The following MECOM variants were observed in gnomAD, a reference collection of about 807,000 sequenced individuals.
The protein encoded by MECOM is histone-lysine N-methyltransferase MECOM.
Under a neutral mutation model 116.3 loss-of-function variants are expected in MECOM, and 13 were observed. The ratio of observed to expected loss-of-function variants is 0.11; its 90% confidence interval spans 0.07 to 0.18. MECOM has a LOEUF of 0.18. Among genes scored for constraint, MECOM ranks in the 10% least tolerant of loss-of-function variants. The pLI is 1.00. For missense variants in MECOM, 1,299 were observed against 1,509.0 expected (o/e 0.86, Z 2.31); for synonymous variants, 528 against 535.2 (o/e 0.99, Z 0.19).
At chr3:169,273,404 G>A (rs1759186911) in intron 2 of MECOM, among the ~76,000 whole-genome samples, 1 of 152,128 alleles carries the variant, frequency 6.6e-6, no homozygotes, top group South Asian at 2.1e-4. Flanking sequence ...ATCACAAAGA[G>A]TAAAAACCAT....
intron 6 of MECOM, among the ~76,000 whole-genome samples, chr3:169,121,723 T>C (rs115823399): frequency 1.3e-3 from 198 of 151,864 alleles, no homozygotes; most frequent in Non-Finnish European, 2.5e-3. Context: ...AAAACAAAAA[T>C]AAAAAAGCCA....
At chr3:169,436,312 G>T (rs1372990978) in intron 1 of MECOM, among the ~76,000 whole-genome samples, 1 of 141,106 alleles carries the variant, frequency 7.1e-6, no homozygotes, top group Non-Finnish European at 1.5e-5. Context: ...ATACAATGGC[G>T]CAATCTCCGC....
intron 2 of MECOM, among the ~76,000 whole-genome samples, chr3:169,344,566 C>G (rs1273015288): frequency 6.6e-6 from 1 of 152,184 alleles, no homozygotes; most frequent in African/African-American, 2.4e-5. Flanking sequence ...CCTTGAGCCT[C>G]TCTGGGACCC....
chr3:169,258,059 A>G (rs1343520423), intron 2 of MECOM, among the ~76,000 whole-genome samples: 2 of 152,140 alleles, frequency 1.3e-5, no homozygotes, highest in African/African-American at 4.8e-5. Context: ...CATCTCTACT[A>G]AAAATACAAA....
Position 169,565,459 on chromosome 3 carries a change from A to G in MECOM, c.37+97877T>C, listed in dbSNP as rs573587104. On this transcript the variant is annotated intron_variant, in intron 1 of 16. Transcript: ENST00000651503. ...CACCATTATCTCTGTCCAGCTCTGG[A>G]CATCTGTCTGGGTTTGCTCTCTCAA... 3.9e-5 allele frequency among the ~76,000 whole-genome samples: 6 copies of G among 152,164 alleles called. No individual in the cohort carries two copies. In the East Asian group the frequency reaches 1.2e-3, roughly 29 times the overall value.
At chr3:169,554,459 A>G (rs1489640337) in intron 1 of MECOM, among the ~76,000 whole-genome samples, 7 of 152,194 alleles carry the variant, frequency 4.6e-5, no homozygotes, top group Non-Finnish European at 1.5e-5. Flanking sequence ...TCACAGGACT[A>G]TGATTTCATT....
chr3:169,288,286 GA>G (rs1354647551), intron 2 of MECOM, among the ~76,000 whole-genome samples: 1 of 151,408 alleles, frequency 6.6e-6, no homozygotes, highest in African/African-American at 2.4e-5. Flanking sequence ...GAATAGGCAA[GA>G]AAAATAAATA....
chr3:169,196,486 A>C (rs1275713380), intron 2 of MECOM, among the ~76,000 whole-genome samples: 2 of 152,062 alleles, frequency 1.3e-5, no homozygotes, highest in African/African-American at 4.8e-5. Context: ...TTTTATTTTC[A>C]TATTTGCTTA....
chr3:169,588,822 G>T (rs1219529132), intron 1 of MECOM, among the ~76,000 whole-genome samples: 1 of 152,094 alleles, frequency 6.6e-6, no homozygotes, highest in East Asian at 1.9e-4. Flanking sequence ...TTAACTCAAA[G>T]AAGCTGTTCT....
intron 2 of MECOM, among the ~76,000 whole-genome samples, chr3:169,365,143 C>G (rs1728945487): frequency 6.6e-6 from 1 of 151,866 alleles, no homozygotes; most frequent in South Asian, 2.1e-4. Context: ...TACCGCTGAC[C>G]CTTCTCAATC....
intron 1 of MECOM, among the ~76,000 whole-genome samples, chr3:169,634,241 AACACACACACAC>A (rs59934753): frequency 2.7e-5 from 4 of 149,060 alleles, no homozygotes; most frequent in Admixed American, 6.7e-5. Context: ...TGTGTGCACA[AACACACACACAC>A]ACACACACAC....
chr3:169,472,642 G>A lies in MECOM; in HGVS notation c.38-91118C>T, dbSNP rs1459903154. 5.9e-4 allele frequency among the ~76,000 whole-genome samples: 46 copies of A among 78,070 alleles called. 1 individual carries two copies. Among genetic ancestry groups the A allele is most frequent in the African/African-American group, 2.8e-3 (38 of 13,430 alleles). 51.2% of individuals were successfully genotyped at this position (78,070 alleles called of 152,430 possible). ...GAAAAGAAAAGAAAAGAAAAGGAAAGGAAAGGAAAAGAAAAGAAAGGAAAG... is the reference window on the plus strand; with the variant it reads ...GAAAAGAAAAGAAAAGAAAAGGAAAAGAAAGGAAAAGAAAAGAAAGGAAAG... On this transcript the variant is annotated intron_variant, in intron 1 of 16. Transcript: ENST00000651503.
At chr3:169,195,316 G>A (rs1203466518) in intron 2 of MECOM, among the ~76,000 whole-genome samples, 1 of 152,054 alleles carries the variant, frequency 6.6e-6, no homozygotes, top group Non-Finnish European at 1.5e-5. Context: ...TTTCCTTGCA[G>A]GGCCAGTGAC....
At chr3:169,436,888 C>G (rs952826136) in intron 1 of MECOM, among the ~76,000 whole-genome samples, 7 of 151,992 alleles carry the variant, frequency 4.6e-5, no homozygotes, top group Non-Finnish European at 8.8e-5. Context: ...ACTGAAAATA[C>G]TTGAGCTTGA....
chr3:169,564,105 G>GA (rs942678733), intron 1 of MECOM, among the ~76,000 whole-genome samples: 10 of 152,150 alleles, frequency 6.6e-5, no homozygotes, highest in Non-Finnish European at 1.2e-4. Context: ...AACAGCATTA[G>GA]AAAAAAATTG....
chr3:169,119,704 T>C (rs1730356743), intron 7 of MECOM, among the ~76,000 whole-genome samples: 1 of 152,058 alleles, frequency 6.6e-6, no homozygotes, highest in Non-Finnish European at 1.5e-5. Flanking sequence ...CGTATGCCTG[T>C]AGTACTTCCA....
chr3:169,468,838 C>T (rs1297828828), intron 1 of MECOM, among the ~76,000 whole-genome samples: 3 of 152,172 alleles, frequency 2.0e-5, no homozygotes, highest in African/African-American at 7.2e-5. Context: ...AAGCAGCCAA[C>T]AACTCGCCTG....
At chr3:169,336,887 T>C (rs1457780653) in intron 2 of MECOM, among the ~76,000 whole-genome samples, 1 of 152,196 alleles carries the variant, frequency 6.6e-6, no homozygotes, top group Non-Finnish European at 1.5e-5. Flanking sequence ...AAAGGCTTGA[T>C]GAACATTACC....
chr3:169,415,663 T>A (rs1273403897), intron 1 of MECOM, among the ~76,000 whole-genome samples: 1 of 150,074 alleles, frequency 6.7e-6, no homozygotes, highest in Non-Finnish European at 1.5e-5. Flanking sequence ...ACACATAGGC[T>A]CAAAATAAAG....
Sources: gnomAD v4.1 joint callset for allele counts (sites outside exome capture counted in the v4.1 genomes callset) on GRCh38, gnomAD v4.1.1 for gene constraint, MANE v1.5 for transcripts, NCBI Gene and HGNC (gene_info 2026-07-23, HGNC 2026-07-21) for gene names.